The following EPHB2 variants were observed in gnomAD, a reference collection of about 807,000 sequenced individuals.
EPHB2 encodes the protein ephrin type-B receptor 2.
A neutral mutation model predicts 96.4 loss-of-function variants in EPHB2; 18 were observed. The observed-to-expected ratio is 0.19, with a 90% CI of 0.13 to 0.28. EPHB2 has a LOEUF of 0.28. Among genes scored for constraint, EPHB2 ranks in the 10% least tolerant of loss-of-function variants. The probability of loss-of-function intolerance (pLI) is 1.00; values close to 1 mark genes in which losing one functional copy is unlikely to be tolerated. For synonymous variants in EPHB2, 506 were observed against 534.1 expected, an observed-to-expected ratio of 0.95 and a Z score of 0.72; for missense variants, 989 against 1,355.4, an observed-to-expected ratio of 0.73 and a Z score of 4.25.
intron 3 of EPHB2, among the ~76,000 whole-genome samples, chr1:22,848,692 G>A (rs1645580055): frequency 6.6e-6 from 1 of 152,126 alleles, no homozygotes; most frequent in South Asian, 2.1e-4. Flanking sequence ...AGTGATTCCA[G>A]GCCTCCCAAT....
chr1:22,772,805 G>A (rs180788600), intron 1 of EPHB2, among the ~76,000 whole-genome samples: 6 of 152,202 alleles, frequency 3.9e-5, no homozygotes, highest in Admixed American at 6.5e-5. Context: ...TTTACAGGGC[G>A]TGCAGAGGGT....
chr1:22,745,415 AG>A (rs1473611579), intron 1 of EPHB2, among the ~76,000 whole-genome samples: 1 of 152,240 alleles, frequency 6.6e-6, no homozygotes, highest in Non-Finnish European at 1.5e-5. Flanking sequence ...ATGGCAATTA[AG>A]TCAGGATCGC....
Position 22,915,716 on chromosome 1 carries a change from C to T in EPHB2, c.*2146C>T, listed in dbSNP as rs1640248573. On this transcript the variant is annotated 3_prime_UTR_variant, in exon 16 of 16. Transcript: ENST00000374630. ...CATGTACCCCCAGGCACAGCCAACTCTGGTTTTCTCTGTGCAAATGAGCTC... is the reference window on the plus strand; with the variant it reads ...CATGTACCCCCAGGCACAGCCAACTTTGGTTTTCTCTGTGCAAATGAGCTC... The T allele has an allele frequency of 6.6e-6, 1 of 152,302 alleles. No homozygotes were observed. The highest frequency in any genetic ancestry group is 6.5e-5 in the Admixed American group (1 of 15,288). 9.4% of individuals were successfully genotyped at this position (152,302 alleles called of 1,614,324 possible).
chr1:22,880,409 C>T (rs1240738487), intron 5 of EPHB2, among the ~76,000 whole-genome samples: 1 of 152,218 alleles, frequency 6.6e-6, no homozygotes, highest in Non-Finnish European at 1.5e-5. Context: ...CTTGTATTGG[C>T]TGAGACAGGA....
intron 1 of EPHB2, among the ~76,000 whole-genome samples, chr1:22,729,355 C>G (rs1368197814): frequency 6.6e-6 from 1 of 152,340 alleles, no homozygotes; most frequent in East Asian, 1.9e-4. Context: ...GAGACAGAAA[C>G]ACACAGACCT....
At chr1:22,731,364 C>T (rs931721292) in intron 1 of EPHB2, among the ~76,000 whole-genome samples, 7 of 151,714 alleles carry the variant, frequency 4.6e-5, no homozygotes, top group South Asian at 2.1e-4. Context: ...GGGGGATTAG[C>T]GGACCACCGA....
At chr1:22,764,530 G>A (rs973422732) in intron 1 of EPHB2, among the ~76,000 whole-genome samples, 1 of 152,116 alleles carries the variant, frequency 6.6e-6, no homozygotes, top group East Asian at 1.9e-4. Flanking sequence ...CGGATCATTT[G>A]AGGCCAGGAG....
In EPHB2 at chr1:22,824,972, T is replaced by C. The variant is rs1208698222; in HGVS notation, c.812-38065T>C. 2.0e-5 allele frequency among the ~76,000 whole-genome samples: 3 copies of C among 152,176 alleles called. No homozygotes were observed. In the East Asian group the frequency reaches 5.8e-4, roughly 29 times the overall value. On this transcript the variant is annotated intron_variant, in intron 3 of 15. Transcript: ENST00000374630. ...CTCTGCAGCCCTGCGGGAAGGGGAC[T>C]TGGGGATGGGACACTTTCCTCATCT...
chr1:22,715,592 G>A (rs549596186), intron 1 of EPHB2, among the ~76,000 whole-genome samples: 1 of 152,364 alleles, frequency 6.6e-6, no homozygotes, highest in East Asian at 1.9e-4. Flanking sequence ...GTCTTAGCCA[G>A]GAAATCAGGG....
intron 1 of EPHB2, among the ~76,000 whole-genome samples, chr1:22,754,163 C>T (rs923688761): frequency 6.6e-6 from 1 of 150,702 alleles, no homozygotes; most frequent in South Asian, 2.1e-4. Flanking sequence ...AGCCAGGAAG[C>T]TTTCAGCCCA....
intron 3 of EPHB2, among the ~76,000 whole-genome samples, chr1:22,857,136 GC>G (rs1219535232): frequency 1.3e-5 from 2 of 152,176 alleles, no homozygotes; most frequent in Non-Finnish European, 2.9e-5. Context: ...AGCTTGACTT[GC>G]AAGAGCCGAC....
At chr1:22,802,639 C>A (rs1031635096) in intron 3 of EPHB2, among the ~76,000 whole-genome samples, 3 of 152,108 alleles carry the variant, frequency 2.0e-5, no homozygotes, top group African/African-American at 7.2e-5. Flanking sequence ...GTCTCATCCC[C>A]CTGTCCACCC....
At chr1:22,890,979 G>A in intron 6 of EPHB2, 1 of 422,050 alleles carries the variant, frequency 2.4e-6, no homozygotes, top group Non-Finnish European at 4.8e-6. Flanking sequence ...AGCAGCATGA[G>A]AAGGGACTAA....
At chr1:22,838,886 G>T (rs1393896593) in intron 3 of EPHB2, among the ~76,000 whole-genome samples, 1 of 151,958 alleles carries the variant, frequency 6.6e-6, no homozygotes, top group Non-Finnish European at 1.5e-5. Flanking sequence ...AGCCGAGATG[G>T]CACCACTGCT....
intron 1 of EPHB2, among the ~76,000 whole-genome samples, chr1:22,716,401 G>T: frequency 6.6e-6 from 1 of 151,918 alleles, no homozygotes; most frequent in East Asian, 1.9e-4. Flanking sequence ...GTGCCATCTC[G>T]GTTCACTGTA....
At chr1:22,816,198 T>C (rs2148467902) in intron 3 of EPHB2, among the ~76,000 whole-genome samples, 1 of 152,182 alleles carries the variant, frequency 6.6e-6, no homozygotes, top group Middle Eastern at 3.4e-3. Context: ...GGACTTGGTG[T>C]CTCTATCCAG....
At chr1:22,865,808 T>G (rs1312697158) in intron 5 of EPHB2, among the ~76,000 whole-genome samples, 1 of 152,160 alleles carries the variant, frequency 6.6e-6, no homozygotes, top group African/African-American at 2.4e-5. Flanking sequence ...CAGCCTAACT[T>G]GTACCTCCAT....
rs1346069022 is a variant in EPHB2, at chr1:22,860,838, G to T, written c.812-2199G>T. The stretch of plus-strand genomic sequence containing the variant: ...GCTGGGGCTGCAGCCTGCATGTCCT[G>T]ACTGCCCAGAAGCTCTGGGCAGTGC... On this transcript the variant is annotated intron_variant, in intron 3 of 15. Coordinates refer to ENST00000374630, the MANE Select transcript of EPHB2 (RefSeq NM_017449.5). This position sits in a 1 kb window ranked among gnomAD's most constrained non-coding sequence, Gnocchi z 4.6. Among the ~76,000 whole-genome samples the T allele has an allele frequency of 6.6e-6, 1 of 152,146 alleles. No homozygotes were observed. The highest frequency in any genetic ancestry group is 1.5e-5 in the Non-Finnish European group (1 of 68,030).
intron 3 of EPHB2, among the ~76,000 whole-genome samples, chr1:22,830,776 C>T (rs6426768): frequency 0.48 from 72,392 of 151,744 alleles, 17,474 homozygotes; most frequent in African/African-American, 0.54. Flanking sequence ...AGGCTGATCT[C>T]GAACTCCTGA....
Sources: gnomAD v4.1 joint callset for allele counts (sites outside exome capture counted in the v4.1 genomes callset) on GRCh38, gnomAD v4.1.1 for gene constraint, Gnocchi (gnomAD v3.1) non-coding constraint, MANE v1.5 for transcripts, NCBI Gene and HGNC (gene_info 2026-07-23, HGNC 2026-07-21) for gene names.